Variants in NAALADL2 observed in about 807,000 individuals in gnomAD.
NAALADL2 encodes the protein inactive N-acetylated-alpha-linked acidic dipeptidase-like protein 2.
A neutral mutation model predicts 87.2 loss-of-function variants in NAALADL2; 76 were observed. That is an observed-to-expected ratio of 0.87 (90% CI 0.72 to 1.05). The LOEUF (loss-of-function observed/expected upper bound fraction) is 1.05. Among genes scored for constraint, NAALADL2 ranks in the 50% least tolerant of loss-of-function variants. The pLI is 0.00. For synonymous variants in NAALADL2, 354 were observed against 331.0 expected (o/e 1.07, Z -0.75); for missense variants, 1,089 against 945.8 (o/e 1.15, Z -1.99).
At chr3:174,982,217 T>A (rs1463031789) in intron 1 of NAALADL2, among the ~76,000 whole-genome samples, 1 of 152,176 alleles carries the variant, frequency 6.6e-6, no homozygotes, top group Non-Finnish European at 1.5e-5. Context: ...ATAAAAGCTA[T>A]GTCTAGATCA....
At chr3:175,351,688 G>A (rs777587229) in intron 5 of NAALADL2, among the ~76,000 whole-genome samples, 4 of 152,010 alleles carry the variant, frequency 2.6e-5, no homozygotes, top group Admixed American at 6.6e-5. Flanking sequence ...CACAACCAGC[G>A]AATTGCGATA....
At chr3:174,465,683 C>G (rs2108299548) in intron 1 of NAALADL2, among the ~76,000 whole-genome samples, 1 of 152,160 alleles carries the variant, frequency 6.6e-6, no homozygotes, top group African/African-American at 2.4e-5. Flanking sequence ...TGTCCATTTT[C>G]TGAGCATAGA....
intron 3 of NAALADL2, among the ~76,000 whole-genome samples, chr3:174,754,298 A>G (rs1051818829): frequency 6.6e-6 from 1 of 152,202 alleles, no homozygotes; most frequent in African/African-American, 2.4e-5. Flanking sequence ...CAGAAGTATA[A>G]TAAAATATGA....
At chr3:175,098,929 T>G (rs2108391511) in intron 2 of NAALADL2, among the ~76,000 whole-genome samples, 1 of 151,998 alleles carries the variant, frequency 6.6e-6, no homozygotes, top group Non-Finnish European at 1.5e-5. Flanking sequence ...GGTTAGTTTT[T>G]AATTTATTGA....
At chr3:174,992,029 A>G (rs975526233) in intron 1 of NAALADL2, among the ~76,000 whole-genome samples, 1 of 152,070 alleles carries the variant, frequency 6.6e-6, no homozygotes, top group African/African-American at 2.4e-5. Context: ...CAATAACTCC[A>G]TGATTTAAAT....
chr3:174,531,533 G>C (rs1428830072), intron 1 of NAALADL2, among the ~76,000 whole-genome samples: 1 of 152,160 alleles, frequency 6.6e-6, no homozygotes, highest in Non-Finnish European at 1.5e-5. Context: ...AGTTCACTGA[G>C]AGTCAATCTT....
chr3:175,765,766 T>A (rs567500985), intron 13 of NAALADL2, among the ~76,000 whole-genome samples: 1 of 152,238 alleles, frequency 6.6e-6, no homozygotes, highest in Admixed American at 6.5e-5. Flanking sequence ...ATACTTTCCA[T>A]AGAGGATGAT....
Position 175,790,098 on chromosome 3 carries a change from A to G in NAALADL2, c.2190-12907A>G, listed in dbSNP as rs569553395. ...CTTACTAGGATTGGCTAACTTAATTACCAACACCAAGTAATTATGACCTTT... is the reference window on the plus strand; with the variant it reads ...CTTACTAGGATTGGCTAACTTAATTGCCAACACCAAGTAATTATGACCTTT... On this transcript the variant is annotated intron_variant, in intron 13 of 13. Coordinates refer to ENST00000454872, the MANE Select transcript of NAALADL2 (RefSeq NM_207015.3). Among the ~76,000 whole-genome samples the G allele has an allele frequency of 4.3e-4, 65 of 152,304 alleles. No homozygotes were observed. The South Asian group carries it at 0.013, about 31-fold the overall frequency.
intron 9 of NAALADL2, among the ~76,000 whole-genome samples, chr3:175,475,530 G>C (rs1048120577): frequency 2.0e-5 from 3 of 152,114 alleles, no homozygotes; most frequent in Non-Finnish European, 4.4e-5. Context: ...TAAGAAAATA[G>C]CAATGAAATT....
At chr3:175,264,218 C>T (rs1751551911) in intron 4 of NAALADL2, among the ~76,000 whole-genome samples, 1 of 151,814 alleles carries the variant, frequency 6.6e-6, no homozygotes, top group South Asian at 2.1e-4. Flanking sequence ...ACTAAAGTCA[C>T]ACAAGTTTTT....
At chr3:175,253,808 G>A (rs1000535653) in intron 3 of NAALADL2, among the ~76,000 whole-genome samples, 1 of 152,098 alleles carries the variant, frequency 6.6e-6, no homozygotes, top group Non-Finnish European at 1.5e-5. Context: ...ATTTTAAGGA[G>A]GTAACTGCAG....
chr3:175,394,729 A>G (rs77547611), intron 5 of NAALADL2, among the ~76,000 whole-genome samples: 3,127 of 152,266 alleles, frequency 0.021, 111 homozygotes, highest in African/African-American at 0.072. Flanking sequence ...AACCACAGAT[A>G]TTACTGAACG....
chr3:175,045,083 C>T (rs933186826), intron 1 of NAALADL2, among the ~76,000 whole-genome samples: 2 of 151,840 alleles, frequency 1.3e-5, no homozygotes, highest in Non-Finnish European at 2.9e-5. Context: ...TAAAATTTTG[C>T]CTTTGTTGAT....
chr3:175,129,385 A>G (rs867266087), intron 2 of NAALADL2, among the ~76,000 whole-genome samples: 1 of 152,182 alleles, frequency 6.6e-6, no homozygotes, highest in Non-Finnish European at 1.5e-5. Flanking sequence ...TGTGGTTTAC[A>G]TTAGTCACCA....
intron 4 of NAALADL2, among the ~76,000 whole-genome samples, chr3:175,289,835 G>T (rs1755431305): frequency 6.6e-6 from 1 of 151,968 alleles, no homozygotes. Context: ...AGAAGCCACA[G>T]ACTGGGAGAA....
At chr3:174,811,387 G>C (rs1720186467) in intron 3 of NAALADL2, among the ~76,000 whole-genome samples, 2 of 152,160 alleles carry the variant, frequency 1.3e-5, no homozygotes, top group Admixed American at 1.3e-4. Context: ...AAGGCCTTGG[G>C]AGTCCACCCC....
intron 5 of NAALADL2, among the ~76,000 whole-genome samples, chr3:175,338,958 T>C (rs1410409292): frequency 6.6e-6 from 1 of 152,088 alleles, no homozygotes; most frequent in Non-Finnish European, 1.5e-5. Context: ...GCATTGGTGT[T>C]GTACAGAGTT....
chr3:175,489,607 C>T (rs79997175), intron 9 of NAALADL2, among the ~76,000 whole-genome samples: 2,280 of 152,270 alleles, frequency 0.015, 119 homozygotes, highest in East Asian at 0.13. Flanking sequence ...GAAAGTAAAA[C>T]TCATTACCAT....
At chr3:174,541,845 G>A (rs903648675) in intron 1 of NAALADL2, among the ~76,000 whole-genome samples, 4 of 152,196 alleles carry the variant, frequency 2.6e-5, no homozygotes, top group African/African-American at 9.7e-5. Context: ...CTTAGTCTGG[G>A]AGGATTCTTG....
Sources: allele counts gnomAD v4.1 joint callset (sites outside exome capture counted in the v4.1 genomes callset), GRCh38; gene constraint gnomAD v4.1.1; transcripts MANE v1.5; gene names NCBI Gene and HGNC (gene_info 2026-07-23, HGNC 2026-07-21).